The following BRF1 variants were observed in gnomAD, a reference collection of about 807,000 sequenced individuals.
BRF1 encodes transcription factor IIIB 90 kDa subunit.
A neutral mutation model predicts 81.7 loss-of-function variants in BRF1; 59 were observed. The ratio of observed to expected loss-of-function variants is 0.72; its 90% CI spans 0.59 to 0.90. The LOEUF (loss-of-function observed/expected upper bound fraction) is 0.90, where lower values mean the gene tolerates loss of function less well. Ranked by LOEUF, BRF1 falls within the 40% of genes least tolerant of loss-of-function variation. The probability of loss-of-function intolerance (pLI) is 0.00; values close to 1 mark genes in which losing one functional copy is unlikely to be tolerated. For missense variants in BRF1, 1,050 were observed against 936.3 expected (o/e 1.12, Z -1.58); for synonymous variants, 491 against 395.6 (o/e 1.24, Z -2.86).
Position 105,269,959 on chromosome 14 carries a change from A to G in BRF1, c.439+2762T>C, listed in dbSNP as rs949996282. On this transcript the variant is annotated intron_variant, in intron 3 of 17. Coordinates refer to ENST00000547530, the MANE Select transcript of BRF1 (RefSeq NM_001519.4). This position sits in a 1 kb window ranked among gnomAD's most constrained non-coding sequence, Gnocchi z 5.0. ...CGCTCAGGACCTTGGTCTGCTTCTAAGAGAGCAGGATCGGAGCAGGCCTCT... is the reference window on the plus strand; with the variant it reads ...CGCTCAGGACCTTGGTCTGCTTCTAGGAGAGCAGGATCGGAGCAGGCCTCT... Among the ~76,000 whole-genome samples, 1 of 152,052 alleles carries G rather than the reference A, an allele frequency of 6.6e-6. No homozygotes were observed. The highest frequency in any genetic ancestry group is 1.5e-5 in the Non-Finnish European group (1 of 67,996).
At chr14:105,247,038 G>T in intron 5 of BRF1, 2 of 985,450 alleles carry the variant, frequency 2.0e-6, no homozygotes, top group Non-Finnish European at 1.2e-6. Flanking sequence ...CTGGCCATTT[G>T]TATTTCTCCT....
chr14:105,270,324 C>T (rs1235867106), intron 3 of BRF1, among the ~76,000 whole-genome samples: 1 of 151,942 alleles, frequency 6.6e-6, no homozygotes, highest in African/African-American at 2.4e-5. Context: ...CAGGAGCCTG[C>T]CACCACGCCC....
At chr14:105,215,635 TAC>T (rs1891033757) in intron 15 of BRF1, among the ~76,000 whole-genome samples, 1 of 125,628 alleles carries the variant, frequency 8.0e-6, no homozygotes, top group African/African-American at 3.1e-5. Context: ...ACACACTGCA[TAC>T]ACAGACACAG....
upstream of BRF1, among the ~76,000 whole-genome samples, chr14:105,305,424 A>G (rs941208066): frequency 6.6e-6 from 1 of 150,774 alleles, no homozygotes; most frequent in Non-Finnish European, 1.5e-5. Context: ...AACAAGAAAA[A>G]AGAAAAAACG....
At chr14:105,257,013 C>T (rs955422798) in intron 3 of BRF1, among the ~76,000 whole-genome samples, 4 of 152,146 alleles carry the variant, frequency 2.6e-5, no homozygotes, top group African/African-American at 9.7e-5. Flanking sequence ...GCAGGCAGTC[C>T]TCCCGAGAGA....
At chr14:105,224,970 G>A (rs1299081198) in intron 10 of BRF1, among the ~76,000 whole-genome samples, 1 of 152,360 alleles carries the variant, frequency 6.6e-6, no homozygotes, top group South Asian at 2.1e-4. Context: ...CTGATCCCCA[G>A]AGAGCAGCTG....
intron 3 of BRF1, among the ~76,000 whole-genome samples, chr14:105,257,622 G>A (rs587740209): frequency 4.7e-4 from 72 of 152,326 alleles, no homozygotes; most frequent in African/African-American, 1.5e-3. Flanking sequence ...CCGAGACAAC[G>A]GGCAGGACCG....
At chr14:105,287,878 G>C (rs1424958501) in intron 1 of BRF1, among the ~76,000 whole-genome samples, 1 of 152,250 alleles carries the variant, frequency 6.6e-6, no homozygotes, top group Non-Finnish European at 1.5e-5. Context: ...GAAACTCAGA[G>C]CTGAACAGGG....
At chr14:105,264,853 T>C (rs1282110755) in intron 3 of BRF1, among the ~76,000 whole-genome samples, 1 of 150,444 alleles carries the variant, frequency 6.6e-6, no homozygotes, top group African/African-American at 2.4e-5. Context: ...AAAAAAAAAA[T>C]TAAGAAGTTA....
rs190087973 is a variant in BRF1, at chr14:105,246,741, G to A, written c.545-5327C>T. ...CAAAGTGCTGGGATTACAGGCGTGA[G>A]CCACCGCGCCCAACCTACACTGTAA... On this transcript the variant is annotated intron_variant, in intron 5 of 17. Transcript: ENST00000547530. The A allele has an allele frequency of 2.8e-3, 2,550 of 908,672 alleles. 13 individuals carry two copies. The highest frequency in any genetic ancestry group is 0.024 in the South Asian group (460 of 19,280). The allele number at this position is 908,672 out of a possible 1,614,324, so 56.3% of individuals were successfully genotyped here.
chr14:105,296,227 A>T (rs2057738875), intron 1 of BRF1, among the ~76,000 whole-genome samples: 1 of 152,064 alleles, frequency 6.6e-6, no homozygotes, highest in Non-Finnish European at 1.5e-5. Context: ...ATCTCTACTA[A>T]AAATACAAAA....
chr14:105,247,918 C>G lies in BRF1; in HGVS notation c.544+4589G>C, dbSNP rs115383169. ...CCAGGATTAGCCCCAGGCCGGGAGGCTAGAGGCCCCACAAGGAGCGAGCCT... is the reference window on the plus strand; with the variant it reads ...CCAGGATTAGCCCCAGGCCGGGAGGGTAGAGGCCCCACAAGGAGCGAGCCT... On this transcript the variant is annotated intron_variant, in intron 5 of 17. Transcript: ENST00000547530. 3.2e-3 allele frequency: 3,105 copies of G among 985,476 alleles called. 80 individuals are homozygous for G. In the African/African-American group the frequency reaches 0.051, roughly 16 times the overall value. The allele number at this position is 985,476 out of a possible 1,614,324, so 61.0% of individuals were successfully genotyped here.
At chr14:105,272,591 T>C in intron 3 of BRF1, 130 bp downstream of exon 3, 1 of 1,197,804 alleles carries the variant, frequency 8.3e-7, no homozygotes, top group Admixed American at 2.9e-5. Flanking sequence ...CTGAAACAGT[T>C]CTTCCAGTAA....
intron 1 of BRF1, among the ~76,000 whole-genome samples, chr14:105,308,203 C>T (rs1478020865): frequency 6.6e-6 from 1 of 151,566 alleles, no homozygotes; most frequent in South Asian, 2.1e-4. Context: ...ACAATTAGGC[C>T]GGGCACAGTG....
At chr14:105,258,746 C>T (rs1171804443) in intron 3 of BRF1, among the ~76,000 whole-genome samples, 1 of 151,786 alleles carries the variant, frequency 6.6e-6, no homozygotes, top group Non-Finnish European at 1.5e-5. Context: ...TTGCAGTAAG[C>T]AAATATCGCA....
chr14:105,294,686 C>T (rs774688848), intron 1 of BRF1, among the ~76,000 whole-genome samples: 10 of 152,148 alleles, frequency 6.6e-5, no homozygotes, highest in South Asian at 4.2e-4. Flanking sequence ...ATCAAAAACA[C>T]GGATCAACTT....
chr14:105,219,295 C>G (rs750878882), intron 12 of BRF1, 63 bp from the exon 13 acceptor site: 1 of 1,595,410 alleles, frequency 6.3e-7, no homozygotes, highest in Non-Finnish European at 8.6e-7. Context: ...ATGCTAAGGT[C>G]GCGCTGGCCA....
At chr14:105,214,472 C>A (rs980346803) in intron 15 of BRF1, among the ~76,000 whole-genome samples, 1 of 148,140 alleles carries the variant, frequency 6.8e-6, no homozygotes, top group Admixed American at 7.5e-5. Flanking sequence ...GCCCACACCC[C>A]TGCGTGGCTC....
At chr14:105,246,887 A>G in intron 5 of BRF1, 1 of 985,424 alleles carries the variant, frequency 1.0e-6, no homozygotes, top group East Asian at 1.1e-4. Context: ...CAGCAATTCT[A>G]TCCTGGCACC....
Sources: allele counts gnomAD v4.1 joint callset (sites outside exome capture counted in the v4.1 genomes callset), GRCh38; gene constraint gnomAD v4.1.1; non-coding constraint Gnocchi (gnomAD v3.1); transcripts MANE v1.5; gene names NCBI Gene and HGNC (gene_info 2026-07-23, HGNC 2026-07-21).